CNTN5: variants seen among roughly 807,000 people sequenced by gnomAD.
CNTN5 encodes the protein contactin-5.
A neutral mutation model predicts 129.1 loss-of-function variants in CNTN5; 77 were observed. The observed-to-expected ratio is 0.60, with a 90% confidence interval of 0.50 to 0.72. CNTN5 has a LOEUF of 0.72. CNTN5 is among the 30% of genes least tolerant of loss of function. The pLI is 0.00. For synonymous variants in CNTN5, 509 were observed against 465.6 expected (o/e 1.09, Z -1.20); for missense variants, 1,478 against 1,328.8 (o/e 1.11, Z -1.75).
intron 1 of CNTN5, among the ~76,000 whole-genome samples, chr11:99,121,249 T>C (rs1591227283): frequency 1.3e-5 from 2 of 151,690 alleles, no homozygotes; most frequent in African/African-American, 2.4e-5. Context: ...ATTCTCCTGC[T>C]TCAGCCTTCC....
intron 2 of CNTN5, among the ~76,000 whole-genome samples, chr11:99,491,133 C>G (rs1946019039): frequency 6.6e-6 from 1 of 152,072 alleles, no homozygotes; most frequent in Non-Finnish European, 1.5e-5. Context: ...CCTTTAGTTT[C>G]CAAGCAAAGA....
At chr11:99,638,724 C>T (rs1207716061) in intron 3 of CNTN5, among the ~76,000 whole-genome samples, 1 of 152,256 alleles carries the variant, frequency 6.6e-6, no homozygotes. Context: ...CCTTTGACTC[C>T]ATATCTCATA....
At chr11:100,322,200 T>C (rs1451426414) in intron 21 of CNTN5, among the ~76,000 whole-genome samples, 3 of 152,120 alleles carry the variant, frequency 2.0e-5, no homozygotes, top group Non-Finnish European at 4.4e-5. Context: ...TCACCCATAT[T>C]GTTACATGCA....
chr11:99,845,490 A>C (rs1168082427), intron 6 of CNTN5, among the ~76,000 whole-genome samples: 2 of 143,116 alleles, frequency 1.4e-5, no homozygotes, highest in African/African-American at 5.2e-5. Flanking sequence ...CTCCTGCCTC[A>C]GCCTCCCAAG....
intron 16 of CNTN5, among the ~76,000 whole-genome samples, chr11:100,244,037 C>T (rs1949793283): frequency 1.3e-5 from 2 of 152,024 alleles, no homozygotes; most frequent in Non-Finnish European, 2.9e-5. Flanking sequence ...CTTTATTAAG[C>T]CTAATGTCTC....
intron 1 of CNTN5, among the ~76,000 whole-genome samples, chr11:99,288,461 T>G (rs897204106): frequency 6.6e-6 from 1 of 151,966 alleles, no homozygotes; most frequent in Admixed American, 6.6e-5. Context: ...TAGATTATGC[T>G]CTCATCACAG....
intron 8 of CNTN5, among the ~76,000 whole-genome samples, chr11:99,975,484 C>G (rs959872133): frequency 5.3e-5 from 8 of 152,132 alleles, no homozygotes; most frequent in Non-Finnish European, 8.8e-5. Flanking sequence ...AGCCCATTCT[C>G]ACACTGCTAT....
intron 15 of CNTN5, among the ~76,000 whole-genome samples, chr11:100,216,746 A>G (rs955399249): frequency 6.6e-6 from 1 of 152,146 alleles, no homozygotes; most frequent in African/African-American, 2.4e-5. Context: ...AAATAAACCT[A>G]TGGTTCATTG....
chr11:99,865,650 G>A (rs1401056467), intron 6 of CNTN5, among the ~76,000 whole-genome samples: 3 of 151,784 alleles, frequency 2.0e-5, no homozygotes, highest in Non-Finnish European at 4.4e-5. Context: ...GATAAAAGTG[G>A]CTGAGATAAA....
chr11:99,540,883 G>A (rs1376849907), intron 2 of CNTN5, among the ~76,000 whole-genome samples: 3 of 152,172 alleles, frequency 2.0e-5, no homozygotes, highest in East Asian at 1.9e-4. Context: ...AAATTATAAC[G>A]AATTTAGAAG....
chr11:99,216,488 T>C (rs565773811), intron 1 of CNTN5, among the ~76,000 whole-genome samples: 194 of 152,266 alleles, frequency 1.3e-3, no homozygotes, highest in Non-Finnish European at 2.3e-3. Flanking sequence ...TTAGATACAT[T>C]CGTTGCTTTT....
intron 3 of CNTN5, among the ~76,000 whole-genome samples, chr11:99,630,846 A>C (rs1951321386): frequency 6.6e-6 from 1 of 152,102 alleles, no homozygotes; most frequent in Non-Finnish European, 1.5e-5. Flanking sequence ...GCTAAAAAGC[A>C]ATTTGCTATT....
At chr11:99,851,456 A>AATACACCAT (rs1290883985) in intron 6 of CNTN5, among the ~76,000 whole-genome samples, 1 of 152,198 alleles carries the variant, frequency 6.6e-6, no homozygotes, top group Non-Finnish European at 1.5e-5. Context: ...GACAAGCAAG[A>AATACACCAT]ATACACCATA....
chr11:100,265,137 A>T (rs552866293), intron 17 of CNTN5, among the ~76,000 whole-genome samples: 110 of 152,222 alleles, frequency 7.2e-4, no homozygotes, highest in African/African-American at 1.9e-3. Context: ...CTAAAAACCC[A>T]AGAATTGTGC....
At chr11:99,469,842 G>A (rs1945103900) in intron 2 of CNTN5, among the ~76,000 whole-genome samples, 2 of 152,054 alleles carry the variant, frequency 1.3e-5, no homozygotes, top group African/African-American at 2.4e-5. Flanking sequence ...CTTACTGGAA[G>A]TGATAAGGTT....
At chr11:99,610,034 A>G (rs1415837022) in intron 3 of CNTN5, among the ~76,000 whole-genome samples, 1 of 152,128 alleles carries the variant, frequency 6.6e-6, no homozygotes, top group Non-Finnish European at 1.5e-5. Flanking sequence ...CTTTTAATAC[A>G]AATGAAGAAA....
intron 3 of CNTN5, among the ~76,000 whole-genome samples, chr11:99,749,564 G>T (rs1296387641): frequency 6.6e-6 from 1 of 152,092 alleles, no homozygotes; most frequent in Non-Finnish European, 1.5e-5. Flanking sequence ...CCCAGTCTTA[G>T]GATTTCAGAT....
intron 2 of CNTN5, among the ~76,000 whole-genome samples, chr11:99,427,506 C>T (rs1447140157): frequency 1.3e-5 from 2 of 152,026 alleles, no homozygotes; most frequent in Non-Finnish European, 2.9e-5. Flanking sequence ...GTGGCTCACG[C>T]CTGTTATCCC....
At chr11:99,329,806 AC>A (rs1865927144) in intron 2 of CNTN5, among the ~76,000 whole-genome samples, 1 of 151,942 alleles carries the variant, frequency 6.6e-6, no homozygotes, top group South Asian at 2.1e-4. Flanking sequence ...ATTTTTATAA[AC>A]CTCAACTTTC....
Sources: gnomAD v4.1 joint callset for allele counts (sites outside exome capture counted in the v4.1 genomes callset) on GRCh38, gnomAD v4.1.1 for gene constraint, MANE v1.5 for transcripts, NCBI Gene and HGNC (gene_info 2026-07-23, HGNC 2026-07-21) for gene names.